NDC1: variants seen among roughly 807,000 people sequenced by gnomAD.
The protein encoded by NDC1 is NDC1 transmembrane nucleoporin.
NDC1 carries 24 observed loss-of-function variants against 89.8 expected under a neutral mutation model. That is an observed-to-expected ratio of 0.27 (90% CI 0.19 to 0.38). NDC1 has a LOEUF of 0.38. NDC1 is among the 10% of genes least tolerant of loss of function. The pLI is 1.00. For missense variants in NDC1, 728 were observed against 797.6 expected (o/e 0.91, Z 1.05); for synonymous variants, 296 against 284.8 (o/e 1.04, Z -0.39).
chr1:53,819,961 A>T (rs1001749140), intron 5 of NDC1, among the ~76,000 whole-genome samples: 1 of 152,030 alleles, frequency 6.6e-6, no homozygotes, highest in African/African-American at 2.4e-5. Context: ...AAAAGAAAAG[A>T]AAAGAAAAAG....
chr1:53,819,195 T>C (rs1648577317), intron 5 of NDC1, 116 bp from the exon 6 acceptor site: 2 of 628,584 alleles, frequency 3.2e-6, no homozygotes, highest in South Asian at 2.0e-5. Context: ...AATTATTGTA[T>C]AAGAAGACAA....
At chr1:53,790,856 G>A (rs1443665222) in intron 14 of NDC1, among the ~76,000 whole-genome samples, 1 of 152,150 alleles carries the variant, frequency 6.6e-6, no homozygotes, top group Non-Finnish European at 1.5e-5. Flanking sequence ...TGGAGTACAT[G>A]TGAAATTTTG....
intron 2 of NDC1, among the ~76,000 whole-genome samples, chr1:53,835,060 T>C (rs1649185723): frequency 6.6e-6 from 1 of 152,164 alleles, no homozygotes; most frequent in Admixed American, 6.5e-5. Context: ...TCAGCCTGGG[T>C]GACAGAGCAA....
chr1:53,795,246 G>T (rs1007922126), intron 13 of NDC1, among the ~76,000 whole-genome samples: 2 of 152,026 alleles, frequency 1.3e-5, no homozygotes, highest in Non-Finnish European at 2.9e-5. Context: ...CCATTGGAGG[G>T]CCCCTTTCTT....
At chr1:53,778,631 C>T (rs903384752) in intron 16 of NDC1, among the ~76,000 whole-genome samples, 2 of 151,380 alleles carry the variant, frequency 1.3e-5, no homozygotes, top group Non-Finnish European at 2.9e-5. Context: ...TGACTTAAAA[C>T]ACTAAGTAAA....
At chr1:53,798,173 T>TATTATC (rs1329773092) in intron 11 of NDC1, among the ~76,000 whole-genome samples, 1 of 147,052 alleles carries the variant, frequency 6.8e-6, no homozygotes, top group Non-Finnish European at 1.5e-5. Context: ...TTATTATTAT[T>TATTATC]ATTATTATTA....
intron 4 of NDC1, 97 bp downstream of exon 4, chr1:53,827,902 C>A: frequency 1.1e-6 from 1 of 913,926 alleles, no homozygotes; most frequent in Non-Finnish European, 1.5e-6. Flanking sequence ...TTGCAGAAGT[C>A]TGGAAAGCAA....
intron 6 of NDC1, among the ~76,000 whole-genome samples, chr1:53,813,372 G>T (rs1170924248): frequency 1.3e-5 from 2 of 152,146 alleles, no homozygotes; most frequent in African/African-American, 2.4e-5. Context: ...ACCATCTGCT[G>T]CCTTCAGGAG....
intron 17 of NDC1, 36 bp from the exon 18 acceptor site, chr1:53,768,069 T>G: frequency 1.4e-6 from 2 of 1,458,466 alleles, no homozygotes; most frequent in Non-Finnish European, 1.9e-6. Flanking sequence ...TAAGCTTTAT[T>G]TTACATTAAG....
chr1:53,773,696 G>A (rs1647138062), intron 16 of NDC1, among the ~76,000 whole-genome samples: 1 of 152,096 alleles, frequency 6.6e-6, no homozygotes, highest in Non-Finnish European at 1.5e-5. Flanking sequence ...TTCTTGGACT[G>A]GTCAGAGTGC....
chr1:53,790,102 C>A (rs138701178), intron 14 of NDC1, among the ~76,000 whole-genome samples: 6,717 of 150,696 alleles, frequency 0.045, 426 homozygotes, highest in African/African-American at 0.14. Context: ...TGGTGGCTCA[C>A]GCATGTAATC....
chr1:53,767,979 G>A lies in NDC1; in HGVS notation c.2016C>T (p.Phe672=), dbSNP rs756360674. The A allele has an allele frequency of 4.2e-5, 68 of 1,601,896 alleles. No individual in the cohort carries two copies. Among genetic ancestry groups the A allele is most frequent in the Non-Finnish European group, 5.0e-5 (59 of 1,171,556 alleles). The change falls in exon 18 of 18, where the codon TTC becomes TTT. Residue 672 remains phenylalanine, a synonymous_variant. Transcript: ENST00000371429. ...HQKRLQQFLE[F]KE is the part of the protein sequence containing the mutation. The stretch of plus-strand genomic sequence containing the variant: ...AGTTTATATTACTTAACTATTCTTT[G>A]AACTCCAAGAACTGTTGAAGTCTTT...
In NDC1 at chr1:53,793,398, T is replaced by C. The variant is rs1255627480; in HGVS notation, c.1585-119A>G. The stretch of plus-strand genomic sequence containing the variant: ...TGAAAAAATGAAACACTTCACATCT[T>C]GTGGGCAAAGAATAATAATACTTAA... On this transcript the variant is annotated intron_variant, in intron 13 of 17. Coordinates refer to ENST00000371429, the MANE Select transcript of NDC1 (RefSeq NM_018087.5). The C allele has an allele frequency of 7.6e-6, 6 of 789,616 alleles. No individual in the cohort carries two copies. In the East Asian group the frequency reaches 9.8e-5, roughly 13 times the overall value. The allele number at this position is 789,616 out of a possible 1,614,324, so 48.9% of individuals were successfully genotyped here.
At chr1:53,787,714 T>C (rs568693263) in intron 15 of NDC1, among the ~76,000 whole-genome samples, 8 of 150,680 alleles carry the variant, frequency 5.3e-5, no homozygotes, top group African/African-American at 1.7e-4. Context: ...AGCAATTCAA[T>C]AGAAAAACGG....
Position 53,788,382 on chromosome 1 carries a change from G to C in NDC1, c.1699+751C>G, listed in dbSNP as rs545863816. 4.0e-5 allele frequency among the ~76,000 whole-genome samples: 6 copies of C among 151,868 alleles called. No homozygotes were observed. The East Asian group carries it at 1.2e-3, about 30-fold the overall frequency. ...AGGTCAAGGCAGGAAGATCACTTGA[G>C]CCCAGGAGTTTGAGACCAGCCTAGA... is the stretch of plus-strand genomic sequence containing the variant. On this transcript the variant is annotated intron_variant, in intron 15 of 17. Transcript: ENST00000371429.
chr1:53,801,897 T>C (rs569963709), intron 10 of NDC1, among the ~76,000 whole-genome samples: 43 of 152,216 alleles, frequency 2.8e-4, no homozygotes, highest in African/African-American at 9.6e-4. Flanking sequence ...GCTGGGATTA[T>C]AGGTGTGCAA....
intron 6 of NDC1, among the ~76,000 whole-genome samples, chr1:53,811,682 C>G (rs544561697): frequency 1.0e-3 from 154 of 150,682 alleles, no homozygotes; most frequent in African/African-American, 3.7e-3. Flanking sequence ...TTCCCTACCT[C>G]AATACAAAGG....
At chr1:53,818,055 G>C (rs1219007771) in intron 6 of NDC1, among the ~76,000 whole-genome samples, 1 of 152,058 alleles carries the variant, frequency 6.6e-6, no homozygotes, top group Non-Finnish European at 1.5e-5. Context: ...TCTAGATAGA[G>C]TAATGACCAA....
chr1:53,834,976 C>T (rs527886437), intron 2 of NDC1, among the ~76,000 whole-genome samples: 1 of 122,926 alleles, frequency 8.1e-6, no homozygotes, highest in Non-Finnish European at 1.6e-5. Flanking sequence ...GGCGTGGTGG[C>T]GCGTGCTGAG....
Sources: gnomAD v4.1 joint callset for allele counts (sites outside exome capture counted in the v4.1 genomes callset) on GRCh38, gnomAD v4.1.1 for gene constraint, MANE v1.5 for transcripts, NCBI Gene and HGNC (gene_info 2026-07-23, HGNC 2026-07-21) for gene names.